The following GET1 variants were observed in gnomAD, a reference collection of about 807,000 sequenced individuals.
GET1 encodes congenital heart disease 5 protein.
Under a neutral mutation model 22.6 loss-of-function variants are expected in GET1, and 20 were observed. That is an observed-to-expected ratio of 0.89 (90% CI 0.62 to 1.29). The LOEUF (loss-of-function observed/expected upper bound fraction) is 1.29, where lower values mean the gene tolerates loss of function less well. Among genes scored for constraint, GET1 ranks in the 50% most tolerant of loss-of-function variants. The pLI is 0.00. For synonymous variants in GET1, 92 were observed against 83.8 expected (o/e 1.10, Z -0.53); for missense variants, 209 against 219.9 (o/e 0.95, Z 0.31).
exon 5 of GET1, chr21:39,406,242 G>A (rs775362802): frequency 2.5e-6 from 4 of 1,614,096 alleles, no homozygotes; most frequent in African/African-American, 2.7e-5. Flanking sequence ...TACTATGACT[G>A]TACCTCATGT....
intron 1 of GET1, among the ~76,000 whole-genome samples, chr21:39,418,163 C>T (rs2041627285): frequency 6.6e-6 from 1 of 152,160 alleles, no homozygotes; most frequent in Admixed American, 6.5e-5. Context: ...CTAATTACCT[C>T]CCACTGGGTC....
intron 1 of GET1, chr21:39,423,305 T>C (rs1315580074): frequency 1.2e-6 from 2 of 1,610,644 alleles, no homozygotes; most frequent in South Asian, 2.2e-5. Context: ...TGGTTTTCTG[T>C]AAGGATGGCT....
chr21:39,416,468 T>G (rs2041174398), intron 1 of GET1, among the ~76,000 whole-genome samples: 1 of 152,196 alleles, frequency 6.6e-6, no homozygotes, highest in Non-Finnish European at 1.5e-5. Context: ...GTTCATCTAG[T>G]GTATTTCCTG....
chr21:39,423,174 T>C lies in GET1; in HGVS notation c.*24-5058T>C, dbSNP rs781409076. The C allele has an allele frequency of 2.5e-6, 4 of 1,613,166 alleles. No individual in the cohort carries two copies. The East Asian group carries it at 8.9e-5, about 36-fold the overall frequency. On this transcript the variant is annotated intron_variant, in intron 1 of 1. Coordinates refer to the GET1 transcript ENST00000478273. The stretch of plus-strand genomic sequence containing the variant: ...TTTCCTTTTCCTGGGATTTCCTAAG[T>C]AGTTGCCTTAAATTTTTTACTTCAT...
exon 5 of GET1, chr21:39,406,538 CTTT>C: frequency 3.1e-6 from 5 of 1,611,884 alleles, no homozygotes; most frequent in Non-Finnish European, 4.2e-6. Context: ...TCTTGGTCTT[CTTT>C]TTTGTCTTTT....
At chr21:39,417,744 T>A (rs1601781570) in intron 1 of GET1, among the ~76,000 whole-genome samples, 1 of 151,898 alleles carries the variant, frequency 6.6e-6, no homozygotes, top group East Asian at 2.0e-4. Flanking sequence ...GAGCTTCTTT[T>A]TATTTATTTA....
At chr21:39,423,301 T>C (rs1409913722) in intron 1 of GET1, 1 of 1,608,884 alleles carries the variant, frequency 6.2e-7, no homozygotes, top group Non-Finnish European at 8.5e-7. Flanking sequence ...AAATTGGTTT[T>C]CTGTAAGGAT....
At chr21:39,410,988 G>A (rs1028772511), downstream of GET1, 1 of 467,350 alleles carries the variant, frequency 2.1e-6, no homozygotes, top group African/African-American at 2.0e-5. Flanking sequence ...GGGAGATTTT[G>A]GGGGGAAAGC....
chr21:39,386,048 C>G (rs1483805998), intron 1 of GET1: 1 of 152,288 alleles, frequency 6.6e-6, no homozygotes, highest in Non-Finnish European at 1.5e-5. Flanking sequence ...CCCTTCCTCT[C>G]AATCCGAGCT....
rs191111620 is a variant in GET1, at chr21:39,427,804, A to G, written c.*24-428A>G. 438 of 159,416 alleles carry G rather than the reference A, an allele frequency of 2.7e-3. 4 individuals carry two copies. Among genetic ancestry groups the G allele is most frequent in the African/African-American group, 9.7e-3 (407 of 41,830 alleles). The allele number at this position is 159,416 out of a possible 1,614,324, so 9.9% of individuals were successfully genotyped here. On this transcript the variant is annotated intron_variant, in intron 1 of 1. Transcript: ENST00000478273. The stretch of plus-strand genomic sequence containing the variant: ...TTGGGGTGCTGAGATAGGTATTTAC[A>G]TTTCACTGGCAATTCAAACACTGAT...
chr21:39,417,902 A>G (rs909504462), intron 1 of GET1, among the ~76,000 whole-genome samples: 22 of 152,026 alleles, frequency 1.4e-4, no homozygotes, highest in South Asian at 8.3e-4. Flanking sequence ...AGTAGCTGGG[A>G]CTACAGGTGC....
chr21:39,420,014 G>A (rs1355072984), intron 1 of GET1, among the ~76,000 whole-genome samples: 3 of 151,962 alleles, frequency 2.0e-5, no homozygotes, highest in Admixed American at 1.3e-4. Flanking sequence ...GTTTTTAAAC[G>A]TTAATTTTGA....
chr21:39,403,739 A>T (rs1421358175), intron 4 of GET1, among the ~76,000 whole-genome samples: 7 of 149,296 alleles, frequency 4.7e-5, no homozygotes, highest in Non-Finnish European at 1.0e-4. Context: ...CTCCTGCCTC[A>T]GCCTCCTGTG....
intron 4 of GET1, among the ~76,000 whole-genome samples, chr21:39,404,640 C>T (rs1569050346): frequency 2.0e-5 from 3 of 149,940 alleles, no homozygotes. Context: ...ATCCCAGCTA[C>T]TCTGTAGGCT....
At chr21:39,424,148 G>A (rs917964378) in intron 1 of GET1, among the ~76,000 whole-genome samples, 2 of 152,188 alleles carry the variant, frequency 1.3e-5, no homozygotes, top group East Asian at 1.9e-4. Context: ...GAGTAGCTGG[G>A]ATTACACGTG....
At chr21:39,396,391 G>C (rs531554887) in intron 4 of GET1, among the ~76,000 whole-genome samples, 1 of 152,126 alleles carries the variant, frequency 6.6e-6, no homozygotes, top group Non-Finnish European at 1.5e-5. Context: ...AGCCGGGTGC[G>C]GTGGCGGGCG....
chr21:39,394,200 C>T (rs1401844557), intron 4 of GET1, among the ~76,000 whole-genome samples: 1 of 152,012 alleles, frequency 6.6e-6, no homozygotes, highest in Non-Finnish European at 1.5e-5. Context: ...CATGGTGGTG[C>T]GTGCCTGTAA....
At chr21:39,404,861 C>T (rs1317658928) in intron 4 of GET1, among the ~76,000 whole-genome samples, 25 of 146,134 alleles carry the variant, frequency 1.7e-4, no homozygotes, top group Non-Finnish European at 2.8e-4. Context: ...GATGGAGTCT[C>T]GCTCTGTCAC....
At chr21:39,420,652 C>T in intron 1 of GET1, 1 of 1,456,590 alleles carries the variant, frequency 6.9e-7, no homozygotes, top group Non-Finnish European at 9.6e-7. Context: ...ATAAATAGCT[C>T]ATATATTTCG....
Sources: allele counts gnomAD v4.1 joint callset (sites outside exome capture counted in the v4.1 genomes callset), GRCh38; gene constraint gnomAD v4.1.1; transcripts MANE v1.5; gene names NCBI Gene and HGNC (gene_info 2026-07-23, HGNC 2026-07-21).